Variants in SMARCA5 observed in about 807,000 individuals in gnomAD.
SMARCA5 encodes the protein SNF2 related chromatin remodeling ATPase 5.
In SMARCA5, 18 loss-of-function variants were observed where a neutral mutation model predicts 140.4. That is an observed-to-expected ratio of 0.13 (90% CI 0.09 to 0.19). The LOEUF is 0.19. Among genes scored for constraint, SMARCA5 ranks in the 10% least tolerant of loss-of-function variants. The probability of loss-of-function intolerance (pLI) is 1.00; values close to 1 mark genes in which losing one functional copy is unlikely to be tolerated. For synonymous variants in SMARCA5, 449 were observed against 419.6 expected (o/e 1.07, Z -0.86); for missense variants, 606 against 1,276.8 (o/e 0.47, Z 8.01).
chr4:143,538,169 A>G (rs1393640944), intron 11 of SMARCA5, among the ~76,000 whole-genome samples: 1 of 152,150 alleles, frequency 6.6e-6, no homozygotes, highest in Non-Finnish European at 1.5e-5. Context: ...TGAGGCACAT[A>G]TTATGGTCCT....
chr4:143,518,164 A>G (rs570205051), intron 2 of SMARCA5, among the ~76,000 whole-genome samples: 1 of 152,268 alleles, frequency 6.6e-6, no homozygotes, highest in East Asian at 1.9e-4. Context: ...GGTCTTTACA[A>G]AAAGAACATG....
chr4:143,525,094 G>A (rs923039909), intron 4 of SMARCA5, among the ~76,000 whole-genome samples: 2 of 145,548 alleles, frequency 1.4e-5, no homozygotes, highest in Non-Finnish European at 3.0e-5. Flanking sequence ...CAGATAACCT[G>A]TATCTGGTCT....
intron 2 of SMARCA5, among the ~76,000 whole-genome samples, chr4:143,518,139 T>A (rs933223206): frequency 6.6e-6 from 1 of 152,190 alleles, no homozygotes; most frequent in African/African-American, 2.4e-5. Context: ...CACAGCATTT[T>A]TATATTATAG....
At chr4:143,529,210 C>T (rs1737133419) in intron 8 of SMARCA5, among the ~76,000 whole-genome samples, 1 of 152,214 alleles carries the variant, frequency 6.6e-6, no homozygotes, top group South Asian at 2.1e-4. Context: ...GCTGGGATTA[C>T]AGGCACGAGC....
At chr4:143,546,939 A>G in intron 20 of SMARCA5, 31 bp downstream of exon 20, 1 of 1,606,182 alleles carries the variant, frequency 6.2e-7, no homozygotes, top group South Asian at 1.1e-5. Context: ...GTTGGAGTTT[A>G]GTAAGAGCTG....
intron 3 of SMARCA5, among the ~76,000 whole-genome samples, 173 bp from the exon 4 acceptor site, chr4:143,524,190 ATTAT>A (rs1419369842): frequency 1.3e-5 from 2 of 152,204 alleles, no homozygotes; most frequent in Non-Finnish European, 2.9e-5. Flanking sequence ...ATTTTAAATA[ATTAT>A]TTAAAACATT....
intron 2 of SMARCA5, 144 bp from the exon 3 acceptor site, chr4:143,521,285 T>C: frequency 3.4e-6 from 2 of 582,870 alleles, no homozygotes; most frequent in South Asian, 4.9e-5. Context: ...TGCATAGTGC[T>C]TTTGAAACTC....
At chr4:143,537,945 T>C (rs776805046) in intron 11 of SMARCA5, among the ~76,000 whole-genome samples, 2 of 151,490 alleles carry the variant, frequency 1.3e-5, no homozygotes, top group African/African-American at 2.4e-5. Flanking sequence ...AAAATTCTTA[T>C]GCATTTGAGG....
chr4:143,546,755 T>G, intron 19 of SMARCA5, 21 bp from the exon 20 acceptor site: 3 of 1,597,110 alleles, frequency 1.9e-6, no homozygotes, highest in Non-Finnish European at 1.7e-6. Flanking sequence ...GATTAAATAT[T>G]TTGTTTCTGT....
rs1290578894 is a variant in SMARCA5 at position 143,556,063 on chromosome 4, A to G, written c.*2879A>G. ...GAGCATCCCTAATCAAAAAATCTAA[A>G]ATCAGAAATGCTCCATAATTTGAAT... is the stretch of plus-strand genomic sequence containing the variant. On this transcript the variant is annotated 3_prime_UTR_variant, in exon 24 of 24. Transcript: ENST00000283131. 1 of 152,196 alleles carries G rather than the reference A, an allele frequency of 6.6e-6. No homozygotes were observed. The highest frequency in any genetic ancestry group is 2.4e-5 in the African/African-American group (1 of 41,438). The allele number at this position is 152,196 out of a possible 1,614,324, so 9.4% of individuals were successfully genotyped here. A position where few individuals can be genotyped will look rare whatever the true frequency, so the allele number is the denominator to read the frequency against.
intron 2 of SMARCA5, among the ~76,000 whole-genome samples, chr4:143,517,754 C>G (rs1736870161): frequency 6.6e-6 from 1 of 152,106 alleles, no homozygotes; most frequent in Non-Finnish European, 1.5e-5. Context: ...TTCCTAATCA[C>G]CTCTTATTAG....
chr4:143,555,110 C>T lies in SMARCA5; in HGVS notation c.*1926C>T, dbSNP rs1200987841. 9.0e-6 allele frequency: 6 copies of T among 669,398 alleles called. No homozygotes were observed. In the African/African-American group the frequency reaches 1.1e-4, roughly 12 times the overall value. 41.5% of individuals were successfully genotyped at this position (669,398 alleles called of 1,614,324 possible). ...AAATCTTCTGTCAGTGCCACAGCTA[C>T]TACTGCTACTGGAACTGCCTTAACC... On this transcript the variant is annotated 3_prime_UTR_variant, in exon 24 of 24. Coordinates refer to ENST00000283131, the MANE Select transcript of SMARCA5 (RefSeq NM_003601.4).
rs1272254887 is a variant in SMARCA5 at position 143,526,393 on chromosome 4, T to C, written c.734T>C (p.Met245Thr). The C allele has an allele frequency of 1.9e-6, 3 of 1,613,562 alleles. No homozygotes were observed. Among genetic ancestry groups the C allele is most frequent in the Non-Finnish European group, 2.5e-6 (3 of 1,179,500 alleles). ...LVPKSTLHNW[M>T]SEFKRWVPTL... ...CCTAAGTCTACATTACACAACTGGA[T>C]GAGTGAATTCAAGAGATGGGTACCA... Residue 245 changes from methionine to threonine, a missense_variant, in exon 6 of 24, where the codon ATG (methionine) becomes ACG (threonine). Physicochemically the swap from Met to Thr is moderately conservative, Grantham distance 81. Transcript: ENST00000283131.
chr4:143,533,957 T>TA (rs1235210466), intron 9 of SMARCA5, among the ~76,000 whole-genome samples: 3 of 152,216 alleles, frequency 2.0e-5, no homozygotes, highest in African/African-American at 4.8e-5. Flanking sequence ...GCTTCACAGA[T>TA]ACTGCATTTT....
chr4:143,530,631 G>A, intron 9 of SMARCA5, 105 bp downstream of exon 9: 1 of 701,100 alleles, frequency 1.4e-6, no homozygotes, highest in Non-Finnish European at 2.4e-6. Flanking sequence ...AATGGCTTAA[G>A]AATCAGATCT....
intron 1 of SMARCA5, 64 bp downstream of exon 1, chr4:143,514,165 G>T: frequency 7.2e-7 from 1 of 1,384,718 alleles, no homozygotes; most frequent in Admixed American, 2.7e-5. Context: ...TCCCTCGCCG[G>T]ATCGTGGCGA....
At chr4:143,530,112 A>G (rs922579390) in intron 8 of SMARCA5, among the ~76,000 whole-genome samples, 2 of 152,200 alleles carry the variant, frequency 1.3e-5, no homozygotes, top group African/African-American at 4.8e-5. Context: ...GGTCTCAGAG[A>G]ACAAACTATA....
intron 1 of SMARCA5, chr4:143,514,649 C>G (rs1481923062): frequency 6.6e-6 from 1 of 152,638 alleles, no homozygotes; most frequent in East Asian, 1.9e-4. Context: ...TGGCCGAGTG[C>G]GCAGTGGGGA....
chr4:143,531,579 T>C (rs1483479022), intron 9 of SMARCA5, among the ~76,000 whole-genome samples: 1 of 152,198 alleles, frequency 6.6e-6, no homozygotes, highest in Admixed American at 6.5e-5. Context: ...TTTTACTCAC[T>C]AGATGGCAGT....
Sources: allele counts gnomAD v4.1 joint callset (sites outside exome capture counted in the v4.1 genomes callset), GRCh38; gene constraint gnomAD v4.1.1; transcripts MANE v1.5; gene names NCBI Gene and HGNC (gene_info 2026-07-23, HGNC 2026-07-21).